ATPAF1: variants seen among roughly 807,000 people sequenced by gnomAD.
The protein encoded by ATPAF1 is homolog of yeast ATP11.
Under a neutral mutation model 43.9 loss-of-function variants are expected in ATPAF1, and 26 were observed. The ratio of observed to expected loss-of-function variants is 0.59; its 90% CI spans 0.43 to 0.82. The LOEUF (loss-of-function observed/expected upper bound fraction) is 0.82, where lower values mean the gene tolerates loss of function less well. Ranked by LOEUF, ATPAF1 falls within the 40% of genes least tolerant of loss-of-function variation. The pLI is 0.00. For synonymous variants in ATPAF1, 157 were observed against 168.0 expected (o/e 0.93, Z 0.50); for missense variants, 366 against 435.0 (o/e 0.84, Z 1.41).
At chr1:46,661,896 TC>T (rs201649327) in intron 2 of ATPAF1, among the ~76,000 whole-genome samples, 2,972 of 146,498 alleles carry the variant, frequency 0.02, 172 homozygotes, top group East Asian at 0.19. Context: ...TAAATTTCTT[TC>T]TTTTTTTTTT....
At chr1:46,637,445 CAA>C in intron 8 of ATPAF1, among the ~76,000 whole-genome samples, 1 of 152,266 alleles carries the variant, frequency 6.6e-6, no homozygotes, top group South Asian at 2.1e-4. Flanking sequence ...TCAAACTTTG[CAA>C]AAGAGTCACC....
intron 1 of ATPAF1, among the ~76,000 whole-genome samples, chr1:46,666,753 G>A (rs774805230): frequency 4.1e-4 from 62 of 152,336 alleles, no homozygotes; most frequent in Non-Finnish European, 4.4e-4. Context: ...TGAGGAACTT[G>A]TGTGAAACAT....
chr1:46,660,715 G>A (rs967041006), intron 2 of ATPAF1, among the ~76,000 whole-genome samples: 2 of 152,076 alleles, frequency 1.3e-5, no homozygotes, highest in Non-Finnish European at 2.9e-5. Context: ...AACTTTAAAT[G>A]GGTATTTTAC....
upstream of ATPAF1, chr1:46,668,480 G>C: frequency 1.0e-6 from 1 of 974,656 alleles, no homozygotes; most frequent in Admixed American, 4.9e-5. This position sits in a 1 kb window ranked among gnomAD's most constrained non-coding sequence, Gnocchi z 4.4. Flanking sequence ...AGGCGGGGCG[G>C]GGAGGAGGGG....
At chr1:46,646,092 T>C (rs930098096) in intron 6 of ATPAF1, among the ~76,000 whole-genome samples, 5 of 152,224 alleles carry the variant, frequency 3.3e-5, no homozygotes, top group Admixed American at 6.5e-5. Flanking sequence ...GGAGGACTGA[T>C]TGAGCCCAGG....
intron 1 of ATPAF1, chr1:46,665,746 C>T: frequency 6.6e-7 from 1 of 1,518,924 alleles, no homozygotes; most frequent in East Asian, 2.5e-5. Flanking sequence ...TACTTGAATA[C>T]ATCCAGTTCT....
intron 4 of ATPAF1, among the ~76,000 whole-genome samples, chr1:46,654,528 T>TTATTA (rs1553218333): frequency 2.7e-4 from 37 of 135,262 alleles, no homozygotes; most frequent in Middle Eastern, 7.4e-3. Context: ...TATTTATTTA[T>TTATTA]TTATTATTAT....
At chr1:46,664,946 G>T (rs759867266) in intron 2 of ATPAF1, 12 of 293,814 alleles carry the variant, frequency 4.1e-5, no homozygotes, top group Non-Finnish European at 6.4e-5. Flanking sequence ...CCTAGGTCAG[G>T]TTCCATCTCC....
Position 46,668,341 on chromosome 1 carries a change from CT to C in ATPAF1, c.-20del. Reference sequence around the variant, plus strand: ...CAGCCATGGCCGCCCCCGCCTCCTCCTCCTCCTCAGGCGCGTCGGCCTCGGC... The same window carrying C: ...CAGCCATGGCCGCCCCCGCCTCCTCCCCTCCTCAGGCGCGTCGGCCTCGGC... On this transcript the variant is annotated 5_prime_UTR_variant, in exon 1 of 9. Coordinates refer to ENST00000574428, the Ensembl canonical transcript of ATPAF1. The surrounding 1 kb of genome is among the most constrained non-coding windows in gnomAD (Gnocchi z 4.4). 1.5e-6 allele frequency: 2 copies of C among 1,349,002 alleles called. No individual in the cohort carries two copies. Among genetic ancestry groups the C allele is most frequent in the Non-Finnish European group, 9.6e-7 (1 of 1,046,136 alleles). 83.6% of individuals were successfully genotyped at this position (1,349,002 alleles called of 1,614,324 possible).
At chr1:46,660,323 G>A (rs966944941) in intron 2 of ATPAF1, among the ~76,000 whole-genome samples, 3 of 152,022 alleles carry the variant, frequency 2.0e-5, no homozygotes, top group African/African-American at 7.2e-5. Context: ...CCATGAAAAC[G>A]AAACAAAAAC....
At chr1:46,665,432 CT>C in intron 1 of ATPAF1, 68 bp from the exon 2 acceptor site, 1 of 1,493,490 alleles carries the variant, frequency 6.7e-7, no homozygotes, top group Non-Finnish European at 9.2e-7. Flanking sequence ...CAAAGCATCA[CT>C]TTCCACCTCT....
At chr1:46,633,333 T>C (rs1013080122), downstream of ATPAF1, 1 of 177,348 alleles carries the variant, frequency 5.6e-6, no homozygotes, top group Non-Finnish European at 1.2e-5. Flanking sequence ...AAAAGGATGG[T>C]AGTTGATATT....
At chr1:46,665,691 C>A (rs1676478690) in intron 1 of ATPAF1, 1 of 1,535,056 alleles carries the variant, frequency 6.5e-7, no homozygotes, top group African/African-American at 1.4e-5. Flanking sequence ...TGGATCACCT[C>A]TTCAGACAAG....
At chr1:46,649,886 A>T (rs994875797) in intron 6 of ATPAF1, among the ~76,000 whole-genome samples, 1 of 152,172 alleles carries the variant, frequency 6.6e-6, no homozygotes. Flanking sequence ...TGATCACACC[A>T]CTGCACTCCA....
intron 7 of ATPAF1, among the ~76,000 whole-genome samples, chr1:46,644,375 T>C (rs955925504): frequency 6.6e-6 from 1 of 152,214 alleles, no homozygotes; most frequent in African/African-American, 2.4e-5. Context: ...TATGGCGTAT[T>C]ATGAGGATTA....
At chr1:46,666,924 A>T (rs1195333274) in intron 1 of ATPAF1, among the ~76,000 whole-genome samples, 1 of 152,258 alleles carries the variant, frequency 6.6e-6, no homozygotes, top group Non-Finnish European at 1.5e-5. Context: ...AAGTACAAGT[A>T]GACAACTCTT....
rs531033666 is a variant in ATPAF1, at chr1:46,650,802, T to A, written c.588+1779A>T. Among the ~76,000 whole-genome samples the A allele has an allele frequency of 4.6e-5, 7 of 150,616 alleles. 1 individual carries two copies. The South Asian group carries it at 1.5e-3, about 32-fold the overall frequency. On this transcript the variant is annotated intron_variant, in intron 6 of 8. Transcript: ENST00000574428. Reference sequence around the variant, plus strand: ...GACAAATACCACATGTTCTCACATGTTGGAAGCTAAAAAAAAAAAAAAACC... The same window carrying A: ...GACAAATACCACATGTTCTCACATGATGGAAGCTAAAAAAAAAAAAAAACC...
intron 7 of ATPAF1, among the ~76,000 whole-genome samples, chr1:46,644,126 T>C (rs1013692186): frequency 2.0e-5 from 3 of 152,340 alleles, no homozygotes; most frequent in East Asian, 3.9e-4. Context: ...ATCACTTTTA[T>C]TGTAATTATG....
chr1:46,636,101 T>A lies in ATPAF1; in HGVS notation c.793-131A>T, dbSNP rs551269058. 6.1e-6 allele frequency: 6 copies of A among 987,828 alleles called. No homozygotes were observed. In the East Asian group the frequency reaches 1.2e-4, roughly 20 times the overall value. The allele number at this position is 987,828 out of a possible 1,614,324, so 61.2% of individuals were successfully genotyped here. A position where few individuals can be genotyped will look rare whatever the true frequency, so the allele number is the denominator to read the frequency against. On this transcript the variant is annotated intron_variant, in intron 8 of 8. Transcript: ENST00000574428. ...AGAAAGTTTCCTTAACTTCTTGAAG[T>A]CCCTAGTCTTGGTTAGGTGCCCCTT...
Sources: gnomAD v4.1 joint callset for allele counts (sites outside exome capture counted in the v4.1 genomes callset) on GRCh38, gnomAD v4.1.1 for gene constraint, Gnocchi (gnomAD v3.1) non-coding constraint, MANE v1.5 for transcripts, NCBI Gene and HGNC (gene_info 2026-07-23, HGNC 2026-07-21) for gene names.